The following TMEM132D variants were observed in gnomAD, a reference collection of about 807,000 sequenced individuals.
TMEM132D encodes the protein mature OL transmembrane protein.
A neutral mutation model predicts 62.3 loss-of-function variants in TMEM132D; 21 were observed. The observed-to-expected ratio is 0.34, with a 90% confidence interval of 0.24 to 0.49. The LOEUF is 0.49. Ranked by LOEUF, TMEM132D falls within the 20% of genes least tolerant of loss-of-function variation. The probability of loss-of-function intolerance (pLI) is 0.99; values close to 1 mark genes in which losing one functional copy is unlikely to be tolerated. For synonymous variants in TMEM132D, 621 were observed against 575.6 expected (o/e 1.08, Z -1.13); for missense variants, 1,346 against 1,402.8 (o/e 0.96, Z 0.65).
chr12:129,188,547 A>G (rs1489910877), intron 5 of TMEM132D, among the ~76,000 whole-genome samples: 1 of 152,188 alleles, frequency 6.6e-6, no homozygotes. Context: ...TGACCCATGC[A>G]TATCTTGCTA....
intron 4 of TMEM132D, among the ~76,000 whole-genome samples, chr12:129,300,663 A>G (rs1322431456): frequency 3.9e-5 from 6 of 152,168 alleles, no homozygotes; most frequent in Admixed American, 3.9e-4. Flanking sequence ...TTTATTAACA[A>G]AGAGATACTG....
At chr12:129,825,958 T>C (rs1255147171) in intron 1 of TMEM132D, among the ~76,000 whole-genome samples, 1 of 152,076 alleles carries the variant, frequency 6.6e-6, no homozygotes, top group East Asian at 1.9e-4. Context: ...CAGCTATTCA[T>C]GAGGCTGAGG....
At chr12:129,105,933 C>G (rs944057428) in intron 5 of TMEM132D, among the ~76,000 whole-genome samples, 1 of 151,244 alleles carries the variant, frequency 6.6e-6, no homozygotes, top group Non-Finnish European at 1.5e-5. Context: ...ACCCAAAGGA[C>G]TATAAATCAT....
In TMEM132D at chr12:129,802,480, G is replaced by A. The variant is rs1312676581; in HGVS notation, c.79+100781C>T. Among the ~76,000 whole-genome samples the A allele has an allele frequency of 2.7e-5, 3 of 113,058 alleles. No individual in the cohort carries two copies. The Admixed American group carries it at 2.8e-4, about 11-fold the overall frequency. The allele number at this position is 113,058 out of a possible 152,430, so 74.2% of individuals were successfully genotyped here. A position where few individuals can be genotyped will look rare whatever the true frequency, so the allele number is the denominator to read the frequency against. ...GAGAAATAAAATACTTTACAGACAA[G>A]CAAATGCTGAGAAATTTTGTCACCA... On this transcript the variant is annotated intron_variant, in intron 1 of 8. Coordinates refer to ENST00000422113, the MANE Select transcript of TMEM132D (RefSeq NM_133448.3).
At chr12:129,203,710 C>T (rs944024729) in intron 5 of TMEM132D, among the ~76,000 whole-genome samples, 1 of 152,374 alleles carries the variant, frequency 6.6e-6, no homozygotes, top group African/African-American at 2.4e-5. Flanking sequence ...ACCCAGAGAG[C>T]TTCCAACACA....
At chr12:129,283,437 C>A (rs1240181964) in intron 4 of TMEM132D, among the ~76,000 whole-genome samples, 2 of 152,180 alleles carry the variant, frequency 1.3e-5, no homozygotes, top group African/African-American at 4.8e-5. Context: ...GGTGATCCTC[C>A]CACCTCAGCC....
At chr12:129,707,457 T>C (rs1381066546) in intron 1 of TMEM132D, among the ~76,000 whole-genome samples, 1 of 152,096 alleles carries the variant, frequency 6.6e-6, no homozygotes, top group Non-Finnish European at 1.5e-5. Context: ...CAAAGATTGG[T>C]ATGAAATTCT....
chr12:129,287,838 CA>C (rs1037968719), intron 4 of TMEM132D, among the ~76,000 whole-genome samples: 35 of 152,266 alleles, frequency 2.3e-4, no homozygotes, highest in African/African-American at 8.2e-4. Context: ...ACACCCTTAT[CA>C]AAAAACAGTT....
chr12:129,671,495 A>G (rs1224158597), intron 2 of TMEM132D, among the ~76,000 whole-genome samples: 1 of 152,218 alleles, frequency 6.6e-6, no homozygotes, highest in Non-Finnish European at 1.5e-5. Flanking sequence ...TAAGTCAATT[A>G]ACAAAGGTTA....
intron 2 of TMEM132D, among the ~76,000 whole-genome samples, chr12:129,646,571 GATA>G (rs1281707326): frequency 6.6e-6 from 1 of 152,018 alleles, no homozygotes; most frequent in African/African-American, 2.4e-5. Flanking sequence ...ACCACCCAGA[GATA>G]AATACTCCTC....
chr12:129,078,804 G>A (rs1874360000), intron 7 of TMEM132D, 79 bp from the exon 8 acceptor site: 2 of 1,493,546 alleles, frequency 1.3e-6, no homozygotes. Flanking sequence ...GGAAGTGCCA[G>A]TGTGCAGGCA....
chr12:129,399,495 G>A (rs1871548871), intron 3 of TMEM132D, among the ~76,000 whole-genome samples: 2 of 69,618 alleles, frequency 2.9e-5, no homozygotes, highest in African/African-American at 1.4e-4. Flanking sequence ...TGTGATGGCA[G>A]AGCCCTCATG....
At chr12:129,496,765 G>C (rs7965210) in intron 3 of TMEM132D, among the ~76,000 whole-genome samples, 1 of 152,068 alleles carries the variant, frequency 6.6e-6, no homozygotes, top group African/African-American at 2.4e-5. Flanking sequence ...CCTATGGACC[G>C]AACCAGAAGT....
chr12:129,187,154 G>T (rs1878242328), intron 5 of TMEM132D, among the ~76,000 whole-genome samples: 1 of 152,176 alleles, frequency 6.6e-6, no homozygotes, highest in Non-Finnish European at 1.5e-5. Context: ...TTCCACCAGA[G>T]GGCAATAGAG....
intron 3 of TMEM132D, among the ~76,000 whole-genome samples, chr12:129,495,005 G>A (rs1052117335): frequency 2.6e-5 from 4 of 152,184 alleles, no homozygotes; most frequent in African/African-American, 7.2e-5. Flanking sequence ...TTGGTGTTGA[G>A]GGAAGCCCGG....
At chr12:129,653,286 A>T (rs1486063413) in intron 2 of TMEM132D, among the ~76,000 whole-genome samples, 2 of 152,182 alleles carry the variant, frequency 1.3e-5, no homozygotes, top group East Asian at 1.9e-4. Flanking sequence ...ATGCCAGGTC[A>T]ACATCATCAT....
chr12:129,141,142 C>T (rs1876730679), intron 5 of TMEM132D, among the ~76,000 whole-genome samples: 1 of 152,208 alleles, frequency 6.6e-6, no homozygotes, highest in Non-Finnish European at 1.5e-5. Context: ...GCGAACTCAA[C>T]ATTGGCATTG....
rs576268260 is a variant in TMEM132D at position 129,176,740 on chromosome 12, C to T, written c.1443+32780G>A. 3.4e-4 allele frequency among the ~76,000 whole-genome samples: 52 copies of T among 152,324 alleles called. No homozygotes were observed. In the South Asian group the frequency reaches 5.2e-3, roughly 15 times the overall value. ...ATTAACTTCGCTGAAGGGCAGCCAACGAGAGCAGGCTGGGCATCACTTATC... is the reference window on the plus strand; with the variant it reads ...ATTAACTTCGCTGAAGGGCAGCCAATGAGAGCAGGCTGGGCATCACTTATC... On this transcript the variant is annotated intron_variant, in intron 5 of 8. Coordinates refer to ENST00000422113, the MANE Select transcript of TMEM132D (RefSeq NM_133448.3).
chr12:129,391,801 G>C (rs1871296739), intron 3 of TMEM132D, among the ~76,000 whole-genome samples: 1 of 152,118 alleles, frequency 6.6e-6, no homozygotes, highest in Non-Finnish European at 1.5e-5. Flanking sequence ...CTGTTGTCCA[G>C]GCTGGAGTGC....
Sources: gnomAD v4.1 joint callset for allele counts (sites outside exome capture counted in the v4.1 genomes callset) on GRCh38, gnomAD v4.1.1 for gene constraint, MANE v1.5 for transcripts, NCBI Gene and HGNC (gene_info 2026-07-23, HGNC 2026-07-21) for gene names.